TOGARAM2: variants seen among roughly 807,000 people sequenced by gnomAD.
TOGARAM2 encodes the protein TOG array regulator of axonemal microtubules 2, also known as TOG array regulator of axonemal microtubules protein 2.
Under a neutral mutation model 93.3 loss-of-function variants are expected in TOGARAM2, and 85 were observed. That is an observed-to-expected ratio of 0.91 (90% CI 0.76 to 1.09). The LOEUF (loss-of-function observed/expected upper bound fraction) is 1.09. TOGARAM2 is among the 50% of genes least tolerant of loss of function. The pLI is 0.00. For missense variants in TOGARAM2, 1,277 were observed against 1,334.5 expected (o/e 0.96, Z 0.67); for synonymous variants, 593 against 552.8 (o/e 1.07, Z -1.02).
chr2:28,994,898 T>G, intron 2 of TOGARAM2, 36 bp downstream of exon 2: 1 of 1,551,406 alleles, frequency 6.4e-7, no homozygotes, highest in Non-Finnish European at 8.7e-7. Context: ...TGCTGGTGTT[T>G]TCCAGGCTAG....
chr2:29,043,344 G>C (rs1666547198), intron 18 of TOGARAM2, among the ~76,000 whole-genome samples: 1 of 152,208 alleles, frequency 6.6e-6, no homozygotes, highest in East Asian at 1.9e-4. Flanking sequence ...AAGGGAAGCA[G>C]GGATGAGCTC....
chr2:29,017,552 G>A (rs949192688), intron 9 of TOGARAM2, among the ~76,000 whole-genome samples: 1 of 152,150 alleles, frequency 6.6e-6, no homozygotes, highest in African/African-American at 2.4e-5. Flanking sequence ...AAATACAGAC[G>A]TGTGCTACCA....
In TOGARAM2 at chr2:29,017,971, C is replaced by A; in HGVS notation, c.1360+15C>A. The A allele has an allele frequency of 6.3e-7, 1 of 1,583,528 alleles. No individual in the cohort carries two copies. The highest frequency in any genetic ancestry group is 8.6e-7 in the Non-Finnish European group (1 of 1,163,574). ...CCACGCCTCAGGTGGGCAGGCCCGA[C>A]TGGCAGGCACACGTGTCCCTCTGCC... On this transcript the variant is annotated intron_variant, in intron 10 of 19. Transcript: ENST00000379558.
At chr2:29,029,713 G>A (rs142291546) in intron 14 of TOGARAM2, among the ~76,000 whole-genome samples, 8 of 145,100 alleles carry the variant, frequency 5.5e-5, no homozygotes, top group Non-Finnish European at 7.5e-5. Context: ...CCGAGATCGC[G>A]CCACTGCACT....
At chr2:29,033,398 C>G in intron 15 of TOGARAM2, 71 bp from the exon 16 acceptor site, 1 of 1,360,446 alleles carries the variant, frequency 7.4e-7, no homozygotes, top group Non-Finnish European at 1.0e-6. Context: ...TGTTATGTCT[C>G]CACTGGAATG....
chr2:28,993,669 C>T (rs1672849777), intron 1 of TOGARAM2, among the ~76,000 whole-genome samples: 1 of 152,170 alleles, frequency 6.6e-6, no homozygotes, highest in Non-Finnish European at 1.5e-5. Context: ...GCAGTGAGAC[C>T]AGGCTGGGGC....
intron 19 of TOGARAM2, chr2:29,046,533 G>A (rs888009178): frequency 6.6e-6 from 1 of 152,360 alleles, no homozygotes; most frequent in African/African-American, 2.4e-5. Flanking sequence ...GCTGTCTTCA[G>A]GATAGTGTCC....
intron 10 of TOGARAM2, among the ~76,000 whole-genome samples, chr2:29,021,240 C>T (rs114969298): frequency 0.013 from 1,924 of 152,278 alleles, 36 homozygotes; most frequent in African/African-American, 0.043. Flanking sequence ...TAAAGGGCTT[C>T]CTCTCCACTC....
At chr2:29,013,927 T>C (rs570765718) in intron 7 of TOGARAM2, among the ~76,000 whole-genome samples, 3 of 152,380 alleles carry the variant, frequency 2.0e-5, no homozygotes, top group African/African-American at 7.2e-5. Context: ...GAAATGAGAC[T>C]GGACTAGTGT....
chr2:28,987,997 C>G (rs1319410161), intron 1 of TOGARAM2, among the ~76,000 whole-genome samples: 1 of 152,142 alleles, frequency 6.6e-6, no homozygotes, highest in Non-Finnish European at 1.5e-5. Context: ...ACTGCCAGCT[C>G]TAGGAGTGGC....
chr2:28,984,981 G>C (rs1672398963), intron 1 of TOGARAM2, among the ~76,000 whole-genome samples: 1 of 152,194 alleles, frequency 6.6e-6, no homozygotes, highest in South Asian at 2.1e-4. Context: ...ATAGGGGTAT[G>C]GGCCCTGGGA....
chr2:29,033,733 C>CA (rs1404508010), intron 16 of TOGARAM2, among the ~76,000 whole-genome samples, 170 bp downstream of exon 16: 2 of 152,144 alleles, frequency 1.3e-5, no homozygotes, highest in Non-Finnish European at 2.9e-5. Context: ...GTGTTCCCCC[C>CA]AACCCAAATC....
At chr2:29,007,952 C>A (rs1663987576) in intron 6 of TOGARAM2, among the ~76,000 whole-genome samples, 1 of 152,054 alleles carries the variant, frequency 6.6e-6, no homozygotes, top group Admixed American at 6.6e-5. Context: ...CCATTCATTT[C>A]ATCTCCACTG....
chr2:29,015,871 A>G (rs1231269341), intron 8 of TOGARAM2, among the ~76,000 whole-genome samples: 1 of 151,878 alleles, frequency 6.6e-6, no homozygotes, highest in Non-Finnish European at 1.5e-5. Flanking sequence ...GAACTCCCCC[A>G]GCGCTCAGCC....
chr2:28,982,179 G>A (rs765934893), intron 1 of TOGARAM2, among the ~76,000 whole-genome samples: 40 of 152,324 alleles, frequency 2.6e-4, no homozygotes, highest in African/African-American at 4.6e-4. Context: ...TAGCCCATGC[G>A]CAGAATGGAA....
chr2:29,027,716 G>T (rs957037560), intron 14 of TOGARAM2, among the ~76,000 whole-genome samples: 4 of 152,254 alleles, frequency 2.6e-5, no homozygotes, highest in East Asian at 1.9e-4. Context: ...TGGAGTTGGT[G>T]GGGGGGCTGC....
Position 29,035,562 on chromosome 2 carries a change from AG to A in TOGARAM2, c.2326del (p.Ala776ProfsTer47), listed in dbSNP as rs776454134. 9 of 1,591,528 alleles carry A rather than the reference AG, an allele frequency of 5.7e-6. No individual in the cohort carries two copies. The highest frequency in any genetic ancestry group is 1.3e-5 in the African/African-American group (1 of 74,620). ...CTACGGGAGCTGACACGGCTGCTGGAGGCCAAGGACTTCCGGTCCCGGATGG... is the reference window on the plus strand; with the variant it reads ...CTACGGGAGCTGACACGGCTGCTGGAGCCAAGGACTTCCGGTCCCGGATGG... Reference protein sequence around the residue: ...EQLRELTRLLEAKDFRSRMEG... With the variant: ...EQLRELTRLLXAKDFRSRMEG... On this transcript the variant is annotated frameshift_variant, in exon 17 of 20. Coordinates refer to ENST00000379558, the MANE Select transcript of TOGARAM2 (RefSeq NM_199280.4). LOFTEE classifies it high-confidence loss of function.
At chr2:29,035,379 C>T (rs1302747383) in intron 16 of TOGARAM2, 85 bp from the exon 17 acceptor site, 2 of 1,191,588 alleles carry the variant, frequency 1.7e-6, no homozygotes, top group Non-Finnish European at 2.1e-6. Context: ...CCCCACCTGC[C>T]TGTAGGAGGT....
chr2:28,999,636 TGGAGCTGAGCCTCCCTCCC>T (rs1673182900), intron 4 of TOGARAM2, among the ~76,000 whole-genome samples, 168 bp downstream of exon 4: 1 of 152,150 alleles, frequency 6.6e-6, no homozygotes, highest in Non-Finnish European at 1.5e-5. Flanking sequence ...GCGACCTCCT[TGGAGCTGAGCCTCCCTCCC>T]GGGCTCTGCA....
Sources: gnomAD v4.1 joint callset for allele counts (sites outside exome capture counted in the v4.1 genomes callset) on GRCh38, gnomAD v4.1.1 for gene constraint, MANE v1.5 for transcripts, NCBI Gene and HGNC (gene_info 2026-07-23, HGNC 2026-07-21) for gene names.